GAREM1: variants seen among roughly 807,000 people sequenced by gnomAD.
GAREM1 encodes the protein GRB2 associated regulator of MAPK1 subtype 1, also known as GRB2-associated and regulator of MAPK protein 1.
A neutral mutation model predicts 71.3 loss-of-function variants in GAREM1; 26 were observed. The observed-to-expected ratio is 0.36, with a 90% CI of 0.27 to 0.51. The LOEUF is 0.51. Ranked by LOEUF, GAREM1 falls within the 20% of genes least tolerant of loss-of-function variation. The probability of loss-of-function intolerance (pLI) is 0.95; values close to 1 mark genes in which losing one functional copy is unlikely to be tolerated. For missense variants in GAREM1, 1,026 were observed against 1,103.1 expected (o/e 0.93, Z 0.99); for synonymous variants, 440 against 433.2 (o/e 1.02, Z -0.20).
At chr18:32,306,914 C>T (rs550257029) in intron 3 of GAREM1, among the ~76,000 whole-genome samples, 28 of 152,176 alleles carry the variant, frequency 1.8e-4, no homozygotes, top group Non-Finnish European at 3.5e-4. Context: ...ATTCATTTCA[C>T]GCAGTTAATC....
intron 2 of GAREM1, among the ~76,000 whole-genome samples, chr18:32,323,024 T>C (rs905365110): frequency 1.3e-5 from 2 of 152,230 alleles, no homozygotes; most frequent in African/African-American, 4.8e-5. Context: ...CAAATACTTA[T>C]GAGACCACAA....
intron 4 of GAREM1, among the ~76,000 whole-genome samples, chr18:32,286,098 A>G (rs1009967284): frequency 1.3e-5 from 2 of 152,214 alleles, no homozygotes; most frequent in African/African-American, 4.8e-5. Context: ...ATTACACTTA[A>G]TACCTCTAGC....
At chr18:32,310,950 C>G (rs75647224) in intron 2 of GAREM1, among the ~76,000 whole-genome samples, 42 of 152,304 alleles carry the variant, frequency 2.8e-4, no homozygotes, top group African/African-American at 1.0e-3. Flanking sequence ...AGCTTCCTCT[C>G]AACCACTGAG....
intron 2 of GAREM1, among the ~76,000 whole-genome samples, chr18:32,385,169 T>C (rs926863859): frequency 6.6e-6 from 1 of 152,036 alleles, no homozygotes; most frequent in Non-Finnish European, 1.5e-5. Context: ...TATGTCCTCT[T>C]TCTTGGCTTC....
intron 1 of GAREM1, among the ~76,000 whole-genome samples, chr18:32,438,149 C>T (rs1418122170): frequency 6.6e-6 from 1 of 152,172 alleles, no homozygotes; most frequent in Non-Finnish European, 1.5e-5. Flanking sequence ...CTTCAGCTGC[C>T]ATTCCTACTC....
chr18:32,414,410 C>T (rs115777820), intron 1 of GAREM1, among the ~76,000 whole-genome samples: 1,968 of 151,346 alleles, frequency 0.013, 54 homozygotes, highest in African/African-American at 0.046. Context: ...CAGACAAGGG[C>T]AATCTAATTG....
chr18:32,356,918 G>C (rs1289596413), intron 2 of GAREM1, among the ~76,000 whole-genome samples: 1 of 152,076 alleles, frequency 6.6e-6, no homozygotes, highest in Admixed American at 6.6e-5. Context: ...GCAATCAATG[G>C]CTTTCCATTG....
At chr18:32,280,832 G>A (rs1413603590) in intron 4 of GAREM1, among the ~76,000 whole-genome samples, 1 of 152,134 alleles carries the variant, frequency 6.6e-6, no homozygotes, top group Non-Finnish European at 1.5e-5. Flanking sequence ...GTGGTAGCTG[G>A]CTCTGCCCAT....
At chr18:32,366,450 C>T (rs1176662214) in intron 2 of GAREM1, among the ~76,000 whole-genome samples, 1 of 152,090 alleles carries the variant, frequency 6.6e-6, no homozygotes, top group Non-Finnish European at 1.5e-5. Flanking sequence ...GCAAGGGCTA[C>T]CCCAGGAGAA....
chr18:32,320,474 G>A (rs551747707), intron 2 of GAREM1, among the ~76,000 whole-genome samples: 23 of 152,098 alleles, frequency 1.5e-4, no homozygotes, highest in Non-Finnish European at 2.6e-4. Context: ...AAGTGGAAGT[G>A]GAGTTGGGGG....
chr18:32,291,722 A>G (rs1057408544), intron 3 of GAREM1, among the ~76,000 whole-genome samples: 1 of 148,460 alleles, frequency 6.7e-6, no homozygotes, highest in Non-Finnish European at 1.5e-5. Context: ...ACTCCCACTT[A>G]TGAGTCAGAA....
intron 2 of GAREM1, among the ~76,000 whole-genome samples, chr18:32,388,454 C>G (rs2048167800): frequency 6.6e-6 from 1 of 151,978 alleles, no homozygotes. Context: ...AAGATAGTTA[C>G]AGAGTCTAAA....
intron 1 of GAREM1, among the ~76,000 whole-genome samples, chr18:32,447,207 C>A (rs1179908246): frequency 3.3e-5 from 5 of 152,318 alleles, no homozygotes; most frequent in African/African-American, 9.6e-5. Context: ...ACATTTACTA[C>A]ACTATTCCTC....
intron 1 of GAREM1, among the ~76,000 whole-genome samples, chr18:32,436,253 G>A (rs1434041628): frequency 6.6e-6 from 1 of 152,098 alleles, no homozygotes; most frequent in African/African-American, 2.4e-5. Flanking sequence ...AAGAAATGCA[G>A]CACAGAACCA....
intron 2 of GAREM1, among the ~76,000 whole-genome samples, chr18:32,382,597 G>T (rs562935792): frequency 6.6e-6 from 1 of 152,120 alleles, no homozygotes; most frequent in Non-Finnish European, 1.5e-5. Context: ...TTATACTCAC[G>T]TGGGAAACAT....
intron 2 of GAREM1, among the ~76,000 whole-genome samples, chr18:32,364,451 GCACA>G (rs992153228): frequency 6.6e-6 from 1 of 151,814 alleles, no homozygotes; most frequent in South Asian, 2.1e-4. Context: ...GTGCGTGCAT[GCACA>G]CAGAGCATGT....
At chr18:32,360,231 A>AT (rs1598988417) in intron 2 of GAREM1, among the ~76,000 whole-genome samples, 4 of 151,324 alleles carry the variant, frequency 2.6e-5, no homozygotes, top group African/African-American at 9.7e-5. Context: ...CTGTTTAAAA[A>AT]ATATATATAT....
intron 2 of GAREM1, among the ~76,000 whole-genome samples, chr18:32,348,647 C>T (rs2047719091): frequency 6.6e-6 from 1 of 152,098 alleles, no homozygotes; most frequent in Admixed American, 6.5e-5. Context: ...TCGTTTGAAC[C>T]TGGGAGGCAG....
In GAREM1 at chr18:32,265,898, A is replaced by G. The variant is rs183337239; in HGVS notation, c.*1973T>C. ...TCTTGTCTGTTTTTATTTTAAAAAG[A>G]AGTTCTGAGAGGTTTACTTTACTAA... On this transcript the variant is annotated 3_prime_UTR_variant, in exon 6 of 6. Coordinates refer to ENST00000269209, the MANE Select transcript of GAREM1 (RefSeq NM_001242409.2). 6.6e-6 allele frequency: 1 copy of G among 150,818 alleles called. No homozygotes were observed. Among genetic ancestry groups the G allele is most frequent in the Admixed American group, 6.5e-5 (1 of 15,274 alleles). The allele number at this position is 150,818 out of a possible 1,614,324, so 9.3% of individuals were successfully genotyped here.
Sources: allele counts gnomAD v4.1 joint callset (sites outside exome capture counted in the v4.1 genomes callset), GRCh38; gene constraint gnomAD v4.1.1; transcripts MANE v1.5; gene names NCBI Gene and HGNC (gene_info 2026-07-23, HGNC 2026-07-21).